The following ZNF808 variants were observed in gnomAD, a reference collection of about 807,000 sequenced individuals.
The protein encoded by ZNF808 is zinc finger protein 808.
Under a neutral mutation model 8.7 loss-of-function variants are expected in ZNF808, and 5 were observed. The observed-to-expected ratio is 0.58, with a 90% CI of 0.30 to 1.21. The LOEUF (loss-of-function observed/expected upper bound fraction) is 1.21, where lower values mean the gene tolerates loss of function less well. Ranked by LOEUF, ZNF808 falls within the 50% of genes most tolerant of loss-of-function variation. The pLI is 0.07. For missense variants in ZNF808, 1,103 were observed against 1,098.4 expected, an observed-to-expected ratio of 1.00 and a Z score of -0.06; for synonymous variants, 380 against 366.0, an observed-to-expected ratio of 1.04 and a Z score of -0.44.
intron 3 of ZNF808, among the ~76,000 whole-genome samples, chr19:52,545,647 A>G (rs2059713290): frequency 6.6e-6 from 1 of 152,060 alleles, no homozygotes; most frequent in Non-Finnish European, 1.5e-5. Flanking sequence ...ATGTGGTGGC[A>G]GGTGCCTCAA....
At position 52,555,489 on chromosome 19, in the gene ZNF808, G is replaced by T; in HGVS notation, c.2573G>T (p.Arg858Leu). The change falls in exon 5 of 5, where the codon CGC becomes CTC. Residue 858 changes from arginine to leucine, a missense_variant. Arg to Leu is a moderately radical substitution (Grantham distance 102). Coordinates refer to ENST00000359798, the MANE Select transcript of ZNF808 (RefSeq NM_001039886.4). ...GAAGCATGTGACAAAGTTTTCAGTC[G>T]CAAATCACACCTTAAAAGACATAGG... ...KCEACDKVFS[R>L]KSHLKRHRII... The T allele has an allele frequency of 6.2e-7, 1 of 1,613,552 alleles. No individual in the cohort carries two copies. Among genetic ancestry groups the T allele is most frequent in the South Asian group, 1.1e-5 (1 of 91,050 alleles).
At chr19:52,564,872 G>A (rs569927427), downstream of ZNF808, among the ~76,000 whole-genome samples, 1 of 152,106 alleles carries the variant, frequency 6.6e-6, no homozygotes, top group African/African-American at 2.4e-5. Flanking sequence ...GGATCACGAG[G>A]TCGGGAGATT....
At position 52,555,261 on chromosome 19, in the gene ZNF808, G is replaced by A. The variant is rs376674761; in HGVS notation, c.2345G>A (p.Arg782His). The change falls in exon 5 of 5, where the codon CGT (arginine) becomes CAT (histidine). Residue 782 changes from arginine (R) to histidine (H), a missense_variant. By Grantham distance (29) the Arg-to-His change is conservative. Coordinates refer to ENST00000359798, the MANE Select transcript of ZNF808 (RefSeq NM_001039886.4). ...FRHWSSLVYH[R>H]RLHTGEKSYK... is the part of the protein sequence containing the mutation. The stretch of plus-strand genomic sequence containing the variant: ...CACTGGTCATCCCTTGTATACCATC[G>A]TAGACTTCATACTGGAGAGAAATCT... 3.8e-5 allele frequency: 62 copies of A among 1,613,954 alleles called. No homozygotes were observed. The Admixed American group carries it at 5.7e-4, about 15-fold the overall frequency.
intron 2 of ZNF808, among the ~76,000 whole-genome samples, chr19:52,538,606 C>A (rs2059636699): frequency 1.4e-5 from 2 of 140,624 alleles, no homozygotes; most frequent in African/African-American, 2.7e-5. Context: ...TCAGCGTGGG[C>A]AATAAGAGCG....
intron 2 of ZNF808, among the ~76,000 whole-genome samples, chr19:52,539,306 C>G (rs1174542033): frequency 6.7e-6 from 1 of 149,834 alleles, no homozygotes; most frequent in East Asian, 2.0e-4. Context: ...GAATTCTCTG[C>G]CTCAGCCTCC....
At chr19:52,535,858 G>C (rs2059604411) in intron 2 of ZNF808, 1 of 152,264 alleles carries the variant, frequency 6.6e-6, no homozygotes, top group African/African-American at 2.4e-5. Context: ...GAGGCGGAGG[G>C]ATGCACAGGT....
At chr19:52,567,442 A>G (rs947289330), downstream of ZNF808, among the ~76,000 whole-genome samples, 56 of 146,446 alleles carry the variant, frequency 3.8e-4, no homozygotes, top group Non-Finnish European at 5.1e-4. Context: ...TTTTTTTAAG[A>G]CGGAGTCTCG....
Position 52,547,739 on chromosome 19 carries a change from G to GGTT in ZNF808, c.190+101_190+102insGTT, listed in dbSNP as rs1491196956. On this transcript the variant is annotated intron_variant, in intron 4 of 4. Coordinates refer to ENST00000359798, the MANE Select transcript of ZNF808 (RefSeq NM_001039886.4). ...TTGTGATTTTGCCCCATCCATGCTGGTTTTTTTTTTTTTTTTTTTTGACAT... is the reference window on the plus strand; with the variant it reads ...TTGTGATTTTGCCCCATCCATGCTGGGTTTTTTTTTTTTTTTTTTTTTTGACAT... The GGTT allele has an allele frequency of 4.8e-4, 486 of 1,010,956 alleles. 2 individuals are homozygous for GGTT. The highest frequency in any genetic ancestry group is 4.3e-3 in the African/African-American group (187 of 43,642). The allele number at this position is 1,010,956 out of a possible 1,614,324, so 62.6% of individuals were successfully genotyped here. A position where few individuals can be genotyped will look rare whatever the true frequency, so the allele number is the denominator to read the frequency against.
downstream of ZNF808, among the ~76,000 whole-genome samples, chr19:52,568,096 G>T (rs1389714218): frequency 6.6e-6 from 1 of 152,212 alleles, no homozygotes; most frequent in East Asian, 1.9e-4. Context: ...TCCTGGCCAG[G>T]CATGCAGGCT....
At position 52,549,758 on chromosome 19, in the gene ZNF808, T is replaced by G. The variant is rs1174175320; in HGVS notation, c.190+2120T>G. Among the ~76,000 whole-genome samples the G allele has an allele frequency of 3.9e-5, 6 of 152,196 alleles. No homozygotes were observed. The South Asian group carries it at 1.2e-3, about 31-fold the overall frequency. On this transcript the variant is annotated intron_variant, in intron 4 of 4. Coordinates refer to ENST00000359798, the MANE Select transcript of ZNF808 (RefSeq NM_001039886.4). ...GATACATTGATCTGGATGCAAATAC[T>G]GTTTCTTTCCAGCCTATTGATTTTG...
exon 4 of ZNF808, chr19:52,564,065 C>T (rs1037045609): frequency 3.2e-6 from 2 of 625,122 alleles, no homozygotes; most frequent in Admixed American, 2.2e-5. Context: ...TGCTTGACTC[C>T]ACTTCTTGTC....
chr19:52,565,995 A>G (rs973563785), downstream of ZNF808, among the ~76,000 whole-genome samples: 2 of 152,206 alleles, frequency 1.3e-5, no homozygotes, highest in African/African-American at 4.8e-5. Flanking sequence ...TCACAAGCTC[A>G]TGAACACAGA....
intron 3 of ZNF808, among the ~76,000 whole-genome samples, chr19:52,561,497 A>C (rs2059858149): frequency 6.6e-6 from 1 of 151,786 alleles, no homozygotes; most frequent in Non-Finnish European, 1.5e-5. Context: ...CATGTACATG[A>C]ACACACTGGC....
In ZNF808 at chr19:52,538,445, C is replaced by T. The variant is rs1231454443; in HGVS notation, c.-19-4821C>T. On this transcript the variant is annotated intron_variant, in intron 2 of 4. Coordinates refer to ENST00000359798, the MANE Select transcript of ZNF808 (RefSeq NM_001039886.4). ...ACTCTCTGTGCCTTTAGAGTTGAAG[C>T]GATTCTCCTGCGATACTACCCCCTG... is the stretch of plus-strand genomic sequence containing the variant. 3.3e-5 allele frequency among the ~76,000 whole-genome samples: 5 copies of T among 150,708 alleles called. No homozygotes were observed. In the Middle Eastern group the frequency reaches 0.01, roughly 312 times the overall value.
exon 4 of ZNF808, chr19:52,563,870 C>A (rs753793722): frequency 8.4e-4 from 209 of 250,052 alleles, no homozygotes; most frequent in Non-Finnish European, 1.0e-3. Context: ...GTGGTGGGCA[C>A]CTGTAATCCC....
chr19:52,534,237 C>T (rs915531456), intron 2 of ZNF808, among the ~76,000 whole-genome samples: 3 of 152,270 alleles, frequency 2.0e-5, no homozygotes, highest in Admixed American at 2.0e-4. Context: ...TAGGGTTTCT[C>T]CCCCTCCCTC....
At chr19:52,549,566 A>G (rs148753654) in intron 4 of ZNF808, among the ~76,000 whole-genome samples, 60 of 152,262 alleles carry the variant, frequency 3.9e-4, no homozygotes, top group African/African-American at 1.3e-3. Context: ...CCTTGGGTCA[A>G]TATTTTAACA....
At chr19:52,559,121 C>T (rs978238246), downstream of ZNF808, among the ~76,000 whole-genome samples, 1 of 152,122 alleles carries the variant, frequency 6.6e-6, no homozygotes, top group Non-Finnish European at 1.5e-5. Context: ...CGTAAAGGGT[C>T]TGTGCTGAGG....
intron 2 of ZNF808, among the ~76,000 whole-genome samples, chr19:52,536,352 G>GCCTCCC (rs2059611202): frequency 6.6e-6 from 1 of 152,010 alleles, no homozygotes; most frequent in African/African-American, 2.4e-5. Flanking sequence ...CCCGACCCGC[G>GCCTCCC]AGGTGGATTC....
Sources: gnomAD v4.1 joint callset for allele counts (sites outside exome capture counted in the v4.1 genomes callset) on GRCh38, gnomAD v4.1.1 for gene constraint, MANE v1.5 for transcripts, NCBI Gene and HGNC (gene_info 2026-07-23, HGNC 2026-07-21) for gene names.